Variants in RAB10 observed in about 807,000 individuals in gnomAD.
RAB10 encodes the protein ras-related protein Rab-10.
A neutral mutation model predicts 25.7 loss-of-function variants in RAB10; 5 were observed. That is an observed-to-expected ratio of 0.19 (90% confidence interval 0.10 to 0.41). The LOEUF is 0.41. Ranked by LOEUF, RAB10 falls within the 10% of genes least tolerant of loss-of-function variation. The pLI is 1.00. For synonymous variants in RAB10, 89 were observed against 86.4 expected (o/e 1.03, Z -0.16); for missense variants, 103 against 245.8 (o/e 0.42, Z 3.89).
At chr2:26,064,532 T>TG (rs1316388836) in intron 1 of RAB10, among the ~76,000 whole-genome samples, 1 of 151,914 alleles carries the variant, frequency 6.6e-6, no homozygotes. Flanking sequence ...TTTGTAGAGA[T>TG]GGGGTGTACA....
At position 26,048,079 on chromosome 2, in the gene RAB10, A is replaced by T. The variant is rs1037803051; in HGVS notation, c.127+13344A>T. ...TTTAAATTGTTGAGTAGTATACTTC[A>T]TGGTATGTACCAGTTTGTTTAATCT... On this transcript the variant is annotated intron_variant, in intron 1 of 5. Transcript: ENST00000264710. Among the ~76,000 whole-genome samples the T allele has an allele frequency of 2.1e-5, 3 of 146,204 alleles. No homozygotes were observed. The East Asian group carries it at 5.9e-4, about 29-fold the overall frequency.
chr2:26,070,363 T>A (rs894006902), intron 1 of RAB10, among the ~76,000 whole-genome samples: 2 of 152,242 alleles, frequency 1.3e-5, no homozygotes. Flanking sequence ...TGGTTTTATC[T>A]GTTTTTCACC....
intron 1 of RAB10, among the ~76,000 whole-genome samples, chr2:26,048,871 TA>T (rs1474113549): frequency 6.6e-6 from 1 of 152,138 alleles, no homozygotes; most frequent in Non-Finnish European, 1.5e-5. Context: ...CTCAATACAA[TA>T]AAATAAAATT....
At chr2:26,088,998 C>T (rs1346315584) in intron 1 of RAB10, among the ~76,000 whole-genome samples, 1 of 151,990 alleles carries the variant, frequency 6.6e-6, no homozygotes, top group Non-Finnish European at 1.5e-5. Flanking sequence ...ACTAATGAAA[C>T]CATGATATTT....
chr2:26,084,599 C>T (rs1666938433), intron 1 of RAB10, among the ~76,000 whole-genome samples: 1 of 152,126 alleles, frequency 6.6e-6, no homozygotes, highest in Non-Finnish European at 1.5e-5. Flanking sequence ...CAGTATGTCC[C>T]AGAGGAATAC....
chr2:26,065,425 C>G (rs536780387), intron 1 of RAB10, among the ~76,000 whole-genome samples: 32 of 152,180 alleles, frequency 2.1e-4, no homozygotes, highest in South Asian at 8.3e-4. Context: ...TCAACACTTT[C>G]ATTTGGCACT....
intron 1 of RAB10, among the ~76,000 whole-genome samples, chr2:26,041,542 T>TAAA (rs1665885947): frequency 3.4e-5 from 2 of 59,640 alleles, no homozygotes; most frequent in South Asian, 5.1e-4. Flanking sequence ...AGACGCTGAC[T>TAAA]CAAAAAAAAA....
intron 2 of RAB10, among the ~76,000 whole-genome samples, chr2:26,108,038 G>A (rs1667501312): frequency 6.6e-6 from 1 of 152,146 alleles, no homozygotes. Flanking sequence ...CAGAGAAACT[G>A]GATCTTTTAT....
intron 1 of RAB10, among the ~76,000 whole-genome samples, chr2:26,096,694 TAC>T (rs1667225786): frequency 6.6e-6 from 1 of 152,330 alleles, no homozygotes; most frequent in African/African-American, 2.4e-5. Context: ...TGAATTTTGT[TAC>T]AGTTTTATTT....
intron 1 of RAB10, among the ~76,000 whole-genome samples, chr2:26,074,133 A>G (rs1302548475): frequency 6.6e-6 from 1 of 152,188 alleles, no homozygotes; most frequent in East Asian, 1.9e-4. Flanking sequence ...AGAAGAGGAG[A>G]CAGTATCAGG....
intron 1 of RAB10, among the ~76,000 whole-genome samples, chr2:26,052,470 ATTT>A (rs10712935): frequency 1.0e-4 from 12 of 114,498 alleles, no homozygotes; most frequent in Admixed American, 1.8e-4. Flanking sequence ...CCGTGAGCCA[ATTT>A]TTTTTTTTTT....
chr2:26,081,895 C>T (rs1360737139), intron 1 of RAB10, among the ~76,000 whole-genome samples: 3 of 151,968 alleles, frequency 2.0e-5, no homozygotes, highest in Non-Finnish European at 4.4e-5. Context: ...ATTTTTCAGA[C>T]AGACAAAAGC....
intron 1 of RAB10, among the ~76,000 whole-genome samples, chr2:26,093,176 T>C (rs1000668427): frequency 2.6e-5 from 4 of 152,214 alleles, no homozygotes; most frequent in East Asian, 1.9e-4. Flanking sequence ...CTGAATGATA[T>C]TGTTTCTTCC....
chr2:26,074,802 C>T (rs1021953811), intron 1 of RAB10, among the ~76,000 whole-genome samples: 3 of 152,204 alleles, frequency 2.0e-5, no homozygotes, highest in Non-Finnish European at 2.9e-5. Flanking sequence ...TTATTAACCT[C>T]GTGTGCCTGA....
intron 2 of RAB10, among the ~76,000 whole-genome samples, chr2:26,100,282 C>A (rs1037417431): frequency 6.6e-6 from 1 of 152,118 alleles, no homozygotes; most frequent in East Asian, 1.9e-4. Flanking sequence ...TTTATGTCAC[C>A]ATAATACAGG....
intron 3 of RAB10, among the ~76,000 whole-genome samples, chr2:26,114,255 A>G (rs1179905214): frequency 6.6e-6 from 1 of 152,176 alleles, no homozygotes; most frequent in Admixed American, 6.6e-5. Flanking sequence ...AAACTAATAT[A>G]GAAAGGCAAG....
rs182707106 is a variant in RAB10 at position 26,091,951 on chromosome 2, C to T, written c.128-6711C>T. Reference sequence around the variant, plus strand: ...CTTTGGGAGGCCAAGGTGAGTGGATCGCCTGAGGTCAGGAGTTCGAGACCA... The same window carrying T: ...CTTTGGGAGGCCAAGGTGAGTGGATTGCCTGAGGTCAGGAGTTCGAGACCA... On this transcript the variant is annotated intron_variant, in intron 1 of 5. Coordinates refer to ENST00000264710, the MANE Select transcript of RAB10 (RefSeq NM_016131.5). Among the ~76,000 whole-genome samples the T allele has an allele frequency of 7.2e-5, 11 of 152,160 alleles. No individual in the cohort carries two copies. The East Asian group carries it at 1.2e-3, about 16-fold the overall frequency.
At chr2:26,060,857 C>T (rs765016445) in intron 1 of RAB10, among the ~76,000 whole-genome samples, 2 of 151,948 alleles carry the variant, frequency 1.3e-5, no homozygotes, top group African/African-American at 2.4e-5. Flanking sequence ...TCTGCTGGCC[C>T]GACTTAAATG....
intron 1 of RAB10, among the ~76,000 whole-genome samples, chr2:26,067,375 G>A (rs1312606773): frequency 1.3e-5 from 2 of 152,180 alleles, no homozygotes; most frequent in Non-Finnish European, 2.9e-5. Context: ...AGCAAAAGGG[G>A]TTTATACTGT....
Sources: gnomAD v4.1 joint callset for allele counts (sites outside exome capture counted in the v4.1 genomes callset) on GRCh38, gnomAD v4.1.1 for gene constraint, MANE v1.5 for transcripts, NCBI Gene and HGNC (gene_info 2026-07-23, HGNC 2026-07-21) for gene names.